The following SERPINI2 variants were observed in gnomAD, a reference collection of about 807,000 sequenced individuals.
SERPINI2 encodes serpin family I member 2.
SERPINI2 carries 48 observed loss-of-function variants against 47.3 expected under a neutral mutation model. The observed-to-expected ratio is 1.02, with a 90% CI of 0.81 to 1.29. The LOEUF (loss-of-function observed/expected upper bound fraction) is 1.29. Ranked by LOEUF, SERPINI2 falls within the 50% of genes most tolerant of loss-of-function variation. The pLI, the probability that SERPINI2 is intolerant of heterozygous loss-of-function variation, is 0.00. For synonymous variants in SERPINI2, 135 were observed against 149.3 expected, an observed-to-expected ratio of 0.90 and a Z score of 0.70; for missense variants, 448 against 456.9, an observed-to-expected ratio of 0.98 and a Z score of 0.18.
chr3:167,466,146 T>C (rs1750128622), intron 3 of SERPINI2, among the ~76,000 whole-genome samples: 2 of 152,154 alleles, frequency 1.3e-5, no homozygotes, highest in Admixed American at 1.3e-4. Context: ...ATGATCCTTT[T>C]CCTCCAAATA....
chr3:167,457,870 A>G (rs1020759507), intron 5 of SERPINI2, among the ~76,000 whole-genome samples: 22 of 152,312 alleles, frequency 1.4e-4, no homozygotes, highest in African/African-American at 5.1e-4. Flanking sequence ...CTAAAACCCA[A>G]ACTTAATTTT....
rs772692704 is a variant in SERPINI2, at chr3:167,473,730, CACTT to C, written c.-11+269_-11+272del. On this transcript the variant is annotated intron_variant, in intron 1 of 8. Coordinates refer to ENST00000264677, the Ensembl canonical transcript of SERPINI2. ...CAGACAAATATTGGTTTTAAAAACTCACTTACCTCATCAGGTTTTGGATCATATC... is the reference window on the plus strand; with the variant it reads ...CAGACAAATATTGGTTTTAAAAACTCACCTCATCAGGTTTTGGATCATATC... 2.7e-6 allele frequency: 4 copies of C among 1,465,148 alleles called. No homozygotes were observed. In the Admixed American group the frequency reaches 6.6e-5, roughly 24 times the overall value. 90.8% of individuals were successfully genotyped at this position (1,465,148 alleles called of 1,614,324 possible).
At position 167,448,008 on chromosome 3, in the gene SERPINI2, A is replaced by C. The variant is rs899200101; in HGVS notation, c.1051+1308T>G. On this transcript the variant is annotated intron_variant, in intron 7 of 8. Transcript: ENST00000264677. ...TTATATATTTATCAGTAAGACATTG[A>C]AATGATAAATAGCTTTTAAATATTG... Among the ~76,000 whole-genome samples the C allele has an allele frequency of 9.9e-5, 15 of 152,256 alleles. 1 individual carries two copies. The highest frequency in any genetic ancestry group is 2.4e-4 in the African/African-American group (10 of 41,472).
intron 5 of SERPINI2, among the ~76,000 whole-genome samples, chr3:167,463,512 G>A (rs1454095133): frequency 6.6e-6 from 1 of 152,002 alleles, no homozygotes; most frequent in African/African-American, 2.4e-5. Flanking sequence ...TCAAGGAGCA[G>A]GAAAAATTTC....
intron 1 of SERPINI2, among the ~76,000 whole-genome samples, chr3:167,473,167 T>G (rs1349150924): frequency 6.6e-6 from 1 of 151,724 alleles, no homozygotes; most frequent in African/African-American, 2.4e-5. Context: ...ACTGTATTTG[T>G]TTAGATATAT....
exon 2 of SERPINI2, chr3:167,471,763 T>C (rs777930610): frequency 2.5e-6 from 4 of 1,613,722 alleles, no homozygotes; most frequent in South Asian, 1.1e-5. Flanking sequence ...CGGTATTTTT[T>C]TGAGCTGAGC....
At chr3:167,446,599 G>A in intron 7 of SERPINI2, 118 bp from the exon 8 acceptor site, 22 of 577,386 alleles carry the variant, frequency 3.8e-5, no homozygotes, top group South Asian at 5.9e-5. Flanking sequence ...GTTAACATGT[G>A]GAAAAATAAC....
intron 2 of SERPINI2, chr3:167,469,319 T>C (rs549336866): frequency 1.3e-5 from 2 of 152,318 alleles, no homozygotes; most frequent in East Asian, 3.9e-4. Context: ...CATGTTCTCT[T>C]CTGCTAGTAA....
intron 5 of SERPINI2, among the ~76,000 whole-genome samples, chr3:167,459,413 A>C (rs1258775530): frequency 6.6e-6 from 1 of 152,184 alleles, no homozygotes; most frequent in African/African-American, 2.4e-5. Flanking sequence ...AAAGGATCTC[A>C]TACTACATTT....
chr3:167,471,903 C>T, intron 1 of SERPINI2, 59 bp from the exon 2 acceptor site: 2 of 1,311,454 alleles, frequency 1.5e-6, no homozygotes, highest in Non-Finnish European at 2.1e-6. Context: ...ACAGAGAGCT[C>T]AACAGAAAAC....
Position 167,470,550 on chromosome 3 carries a change from C to CTTTTTTTTTT in SERPINI2, c.247+1028_247+1037dup, listed in dbSNP as rs536884425. Reference sequence around the variant, plus strand: ...AGATAGCTGAGGAGATGAGCAACAACTTTTTTTTTTTTTTTTTTTTTTTTT... The same window carrying CTTTTTTTTTT: ...AGATAGCTGAGGAGATGAGCAACAACTTTTTTTTTTTTTTTTTTTTTTTTTTTTTTTTTTT... On this transcript the variant is annotated intron_variant, in intron 2 of 8. Transcript: ENST00000264677. Among the ~76,000 whole-genome samples the CTTTTTTTTTT allele has an allele frequency of 2.3e-3, 210 of 93,022 alleles. 29 individuals are homozygous for CTTTTTTTTTT. Among genetic ancestry groups the CTTTTTTTTTT allele is most frequent in the African/African-American group, 0.011 (195 of 17,616 alleles). 61.0% of individuals were successfully genotyped at this position (93,022 alleles called of 152,430 possible).
At chr3:167,464,382 A>C (rs937328362) in intron 5 of SERPINI2, among the ~76,000 whole-genome samples, 3 of 152,124 alleles carry the variant, frequency 2.0e-5, no homozygotes, top group African/African-American at 7.2e-5. Flanking sequence ...GGGATAAAGG[A>C]GACAAAAACA....
chr3:167,459,675 T>G (rs1305432001), intron 5 of SERPINI2, among the ~76,000 whole-genome samples: 3 of 121,100 alleles, frequency 2.5e-5, no homozygotes, highest in Non-Finnish European at 5.0e-5. Context: ...AACATTCTTA[T>G]GGGTGGTTTT....
chr3:167,466,762 G>GA, intron 3 of SERPINI2, among the ~76,000 whole-genome samples: 1 of 152,030 alleles, frequency 6.6e-6, no homozygotes, highest in Middle Eastern at 3.4e-3. Flanking sequence ...TTTTATGCCT[G>GA]AAAAATCTAT....
chr3:167,471,539 A>G (rs371988667), intron 2 of SERPINI2, 49 bp downstream of exon 2: 5 of 1,476,638 alleles, frequency 3.4e-6, no homozygotes, highest in Non-Finnish European at 3.6e-6. Context: ...TAAAAAATGA[A>G]TGCGTCCATA....
upstream of SERPINI2, among the ~76,000 whole-genome samples, chr3:167,475,436 T>C (rs926563927): frequency 1.3e-5 from 2 of 151,844 alleles, no homozygotes; most frequent in East Asian, 3.9e-4. Context: ...TATCCAGAAA[T>C]AGTCCATTAC....
At position 167,442,809 on chromosome 3, in the gene SERPINI2, A is replaced by G. The variant is rs534324895; in HGVS notation, c.1142-624T>C. Among the ~76,000 whole-genome samples, 3 of 152,354 alleles carry G rather than the reference A, an allele frequency of 2.0e-5. No individual in the cohort carries two copies. In the South Asian group the frequency reaches 6.2e-4, roughly 32 times the overall value. On this transcript the variant is annotated intron_variant, in intron 8 of 8. Transcript: ENST00000264677. ...ACTAAAGGACAAAACAGAAAGAATG[A>G]TGTACCAAAATCTATTCACCTTTCT...
intron 2 of SERPINI2, chr3:167,469,140 T>C (rs1176278721): frequency 3.9e-5 from 6 of 152,214 alleles, no homozygotes; most frequent in African/African-American, 1.2e-4. Context: ...CGTTTCTAGA[T>C]TAATGACATT....
intron 7 of SERPINI2, among the ~76,000 whole-genome samples, chr3:167,449,036 G>T (rs1321508431): frequency 6.6e-6 from 1 of 152,170 alleles, no homozygotes; most frequent in East Asian, 1.9e-4. Flanking sequence ...TTATCCACAA[G>T]TCCTATCTGC....
Sources: gnomAD v4.1 joint callset for allele counts (sites outside exome capture counted in the v4.1 genomes callset) on GRCh38, gnomAD v4.1.1 for gene constraint, MANE v1.5 for transcripts, NCBI Gene and HGNC (gene_info 2026-07-23, HGNC 2026-07-21) for gene names.